The following SPTLC3 variants were observed in gnomAD, a reference collection of about 807,000 sequenced individuals.
The protein encoded by SPTLC3 is serine palmitoyltransferase 3.
In SPTLC3, 36 loss-of-function variants were observed where a neutral mutation model predicts 59.3. The observed-to-expected ratio is 0.61, with a 90% CI of 0.47 to 0.80. The LOEUF is 0.80. Among genes scored for constraint, SPTLC3 ranks in the 30% least tolerant of loss-of-function variants. The probability of loss-of-function intolerance (pLI) is 0.00; values close to 1 mark genes in which losing one functional copy is unlikely to be tolerated. For missense variants in SPTLC3, 625 were observed against 685.1 expected, an observed-to-expected ratio of 0.91 and a Z score of 0.98; for synonymous variants, 257 against 240.8, an observed-to-expected ratio of 1.07 and a Z score of -0.62.
Position 13,049,091 on chromosome 20 carries a change from A to G in SPTLC3, c.264A>G (p.Ile88Met), listed in dbSNP as rs1440136494. The change falls in exon 2 of 12, where the codon ATA (isoleucine) becomes ATG (methionine). Residue 88 changes from isoleucine to methionine, a missense_variant. Physicochemically the swap from Ile to Met is conservative, Grantham distance 10. Coordinates refer to ENST00000399002, the MANE Select transcript of SPTLC3 (RefSeq NM_018327.4). ...YLRDFLRNWG[I>M]EKCNAAVERK... ...GAGACTTTTTAAGAAACTGGGGAAT[A>G]GAAAAATGCAACGCAGCTGTGGAAA... 2 of 1,613,798 alleles carry G rather than the reference A, an allele frequency of 1.2e-6. No homozygotes were observed. Among genetic ancestry groups the G allele is most frequent in the Non-Finnish European group, 8.5e-7 (1 of 1,179,900 alleles).
chr20:13,121,296 CA>C (rs771061749), intron 8 of SPTLC3, among the ~76,000 whole-genome samples: 2 of 152,128 alleles, frequency 1.3e-5, no homozygotes, highest in Non-Finnish European at 2.9e-5. Flanking sequence ...ACAGGGCAGA[CA>C]AATTTGGGGT....
intron 7 of SPTLC3, among the ~76,000 whole-genome samples, chr20:13,115,167 CATAG>C (rs540229655): frequency 2.0e-5 from 3 of 152,166 alleles, no homozygotes; most frequent in Non-Finnish European, 4.4e-5. Flanking sequence ...ATGGGAATAA[CATAG>C]ATAGCCTTTT....
intron 2 of SPTLC3, among the ~76,000 whole-genome samples, chr20:13,064,627 TG>T (rs1459712045): frequency 1.3e-5 from 2 of 152,240 alleles, no homozygotes; most frequent in Non-Finnish European, 2.9e-5. Flanking sequence ...CTCAGTTATA[TG>T]AAATGTTGAC....
At chr20:13,009,508 T>C (rs1193844221) in intron 1 of SPTLC3, 124 bp downstream of exon 1, 1 of 857,184 alleles carries the variant, frequency 1.2e-6, no homozygotes, top group African/African-American at 1.7e-5. Context: ...ATGTTTTGAC[T>C]GTTGACTCTG....
At chr20:13,101,325 C>G (rs139340549) in intron 6 of SPTLC3, among the ~76,000 whole-genome samples, 155 of 152,318 alleles carry the variant, frequency 1.0e-3, no homozygotes, top group Non-Finnish European at 1.8e-3. Flanking sequence ...CTCTTAACCA[C>G]TAGCTGAGTC....
At chr20:13,042,714 A>G (rs1568574839) in intron 1 of SPTLC3, among the ~76,000 whole-genome samples, 1 of 152,144 alleles carries the variant, frequency 6.6e-6, no homozygotes, top group Non-Finnish European at 1.5e-5. Context: ...TCAAAGTAGA[A>G]TGTTTCTACT....
chr20:13,042,788 CTT>C (rs938083739), intron 1 of SPTLC3, among the ~76,000 whole-genome samples: 3 of 152,088 alleles, frequency 2.0e-5, no homozygotes, highest in African/African-American at 7.2e-5. Flanking sequence ...TCTCAGTGTT[CTT>C]TTTTGATATT....
At chr20:13,074,625 A>AG in intron 4 of SPTLC3, 128 bp downstream of exon 4, 1 of 1,130,064 alleles carries the variant, frequency 8.8e-7, no homozygotes, top group Middle Eastern at 2.2e-4. Flanking sequence ...GAAAGAAAAA[A>AG]AAGAGATATT....
chr20:13,084,016 A>G (rs1346432672), intron 4 of SPTLC3, among the ~76,000 whole-genome samples: 2 of 152,152 alleles, frequency 1.3e-5, no homozygotes, highest in African/African-American at 4.8e-5. Flanking sequence ...AGCTACCATC[A>G]AGAGATATGA....
At chr20:13,009,419 A>T (rs1985112333) in intron 1 of SPTLC3, 35 bp downstream of exon 1, 2 of 1,539,806 alleles carry the variant, frequency 1.3e-6, no homozygotes, top group African/African-American at 2.7e-5. Context: ...TCTCTGAATT[A>T]CCTGAACGTT....
intron 4 of SPTLC3, among the ~76,000 whole-genome samples, chr20:13,076,426 C>A (rs1224224751): frequency 6.6e-6 from 1 of 151,932 alleles, no homozygotes; most frequent in African/African-American, 2.4e-5. Context: ...TTTTTAGTAA[C>A]CAAAATACCT....
At chr20:13,147,480 G>C (rs999412792) in intron 9 of SPTLC3, among the ~76,000 whole-genome samples, 2 of 152,170 alleles carry the variant, frequency 1.3e-5, no homozygotes, top group East Asian at 3.9e-4. Flanking sequence ...GCTGTCCATT[G>C]AAACTTTACT....
intron 11 of SPTLC3, 96 bp downstream of exon 11, chr20:13,160,228 C>T (rs1178950023): frequency 7.1e-7 from 1 of 1,413,936 alleles, no homozygotes; most frequent in Non-Finnish European, 9.4e-7. Context: ...CTGGGTTTCT[C>T]TTGGGTTATT....
At chr20:13,091,024 T>A in intron 4 of SPTLC3, 59 bp from the exon 5 acceptor site, 8 of 1,598,864 alleles carry the variant, frequency 5.0e-6, no homozygotes, top group Non-Finnish European at 6.0e-6. Flanking sequence ...GAATTTGAGT[T>A]TTCAATCTTG....
intron 1 of SPTLC3, among the ~76,000 whole-genome samples, chr20:13,013,483 T>A (rs1222964867): frequency 1.3e-5 from 2 of 152,230 alleles, no homozygotes; most frequent in Non-Finnish European, 2.9e-5. Context: ...CCCTTTCAAC[T>A]GCTCTGAGTC....
chr20:13,079,610 G>A (rs368271193), intron 4 of SPTLC3: 1 of 268,144 alleles, frequency 3.7e-6, no homozygotes, highest in Non-Finnish European at 7.9e-6. Flanking sequence ...ATGCACTTGT[G>A]TGTGTTCCCA....
Position 13,113,417 on chromosome 20 carries a change from T to A in SPTLC3, c.932+3200T>A, listed in dbSNP as rs765760586. Among the ~76,000 whole-genome samples the A allele has an allele frequency of 8.2e-4, 125 of 152,086 alleles. 1 individual carries two copies. The highest frequency in any genetic ancestry group is 1.6e-3 in the Non-Finnish European group (107 of 68,012). On this transcript the variant is annotated intron_variant, in intron 7 of 11. Coordinates refer to ENST00000399002, the MANE Select transcript of SPTLC3 (RefSeq NM_018327.4). Reference sequence around the variant, plus strand: ...CACATACATCAGCACAGAGCCCACATACATCAATTTTTTCATAACCCCCAA... The same window carrying A: ...CACATACATCAGCACAGAGCCCACAAACATCAATTTTTTCATAACCCCCAA...
chr20:13,085,085 G>A (rs4281972), intron 4 of SPTLC3, among the ~76,000 whole-genome samples: 41,825 of 151,994 alleles, frequency 0.28, 5,916 homozygotes, highest in Middle Eastern at 0.35. Context: ...AGGCCTGAGT[G>A]AGTGGGCAGT....
At chr20:13,072,197 T>C in intron 2 of SPTLC3, 59 bp from the exon 3 acceptor site, 1 of 1,534,364 alleles carries the variant, frequency 6.5e-7, no homozygotes, top group Non-Finnish European at 8.8e-7. Flanking sequence ...CTGCTTCAAT[T>C]GTAAGTGAAA....
Sources: allele counts gnomAD v4.1 joint callset (sites outside exome capture counted in the v4.1 genomes callset), GRCh38; gene constraint gnomAD v4.1.1; transcripts MANE v1.5; gene names NCBI Gene and HGNC (gene_info 2026-07-23, HGNC 2026-07-21).